Variants in MDGA2 observed in about 807,000 individuals in gnomAD.
MDGA2 encodes the protein MAM domain containing glycosylphosphatidylinositol anchor 2.
A neutral mutation model predicts 117.8 loss-of-function variants in MDGA2; 40 were observed. That is an observed-to-expected ratio of 0.34 (90% CI 0.26 to 0.44). MDGA2 has a LOEUF of 0.44. Among genes scored for constraint, MDGA2 ranks in the 20% least tolerant of loss-of-function variants. The pLI is 1.00. For synonymous variants in MDGA2, 452 were observed against 439.0 expected (o/e 1.03, Z -0.37); for missense variants, 1,123 against 1,250.6 (o/e 0.90, Z 1.54).
intron 8 of MDGA2, among the ~76,000 whole-genome samples, chr14:46,978,648 ATTG>A (rs1341045619): frequency 1.3e-5 from 2 of 152,084 alleles, no homozygotes; most frequent in African/African-American, 4.8e-5. Context: ...TTTGGAGATT[ATTG>A]TTGTTAACAG....
In MDGA2 at chr14:47,127,558, T is replaced by C. The variant is rs1238654639; in HGVS notation, c.925+4156A>G. Among the ~76,000 whole-genome samples the C allele has an allele frequency of 4.6e-5, 7 of 152,144 alleles. No homozygotes were observed. In the East Asian group the frequency reaches 1.3e-3, roughly 29 times the overall value. On this transcript the variant is annotated intron_variant, in intron 5 of 16. Transcript: ENST00000399232. ...AGAGTTGAATAGGTACTAGTTTATA[T>C]TTTTAAACTCAATTACTTACCATAA... is the stretch of plus-strand genomic sequence containing the variant.
At chr14:47,353,824 T>C (rs1444114786) in intron 1 of MDGA2, among the ~76,000 whole-genome samples, 1 of 152,112 alleles carries the variant, frequency 6.6e-6, no homozygotes, top group East Asian at 1.9e-4. Flanking sequence ...ATTACCATGA[T>C]ACCAAAGCCA....
chr14:47,434,311 A>C (rs1892855765), intron 1 of MDGA2, among the ~76,000 whole-genome samples: 1 of 152,122 alleles, frequency 6.6e-6, no homozygotes, highest in Non-Finnish European at 1.5e-5. Context: ...TTTGTTACTT[A>C]TAGGTGTTTT....
intron 1 of MDGA2, among the ~76,000 whole-genome samples, chr14:47,613,077 G>A (rs775206691): frequency 6.6e-6 from 1 of 152,116 alleles, no homozygotes; most frequent in Non-Finnish European, 1.5e-5. Flanking sequence ...CCAAACACCA[G>A]CCATTGTGAT....
chr14:47,538,333 A>G (rs1477050285), intron 1 of MDGA2, among the ~76,000 whole-genome samples: 1 of 152,196 alleles, frequency 6.6e-6, no homozygotes, highest in Non-Finnish European at 1.5e-5. Flanking sequence ...AATTAGGAGA[A>G]TCTGGTCAGT....
At chr14:47,447,714 G>A (rs1893153467) in intron 1 of MDGA2, among the ~76,000 whole-genome samples, 1 of 152,106 alleles carries the variant, frequency 6.6e-6, no homozygotes, top group African/African-American at 2.4e-5. Flanking sequence ...CATGGGAAAT[G>A]TAGACTTTTG....
intron 1 of MDGA2, among the ~76,000 whole-genome samples, chr14:47,668,843 A>G (rs1007996669): frequency 1.3e-5 from 2 of 152,254 alleles, no homozygotes; most frequent in African/African-American, 4.8e-5. Flanking sequence ...ACCAAAGAGC[A>G]TAAGCTCTCG....
chr14:46,970,731 G>C (rs985091326), intron 8 of MDGA2, among the ~76,000 whole-genome samples: 2 of 151,762 alleles, frequency 1.3e-5, no homozygotes, highest in Non-Finnish European at 3.0e-5. Flanking sequence ...TGCACAGCAA[G>C]GGAAACAACA....
Position 47,560,192 on chromosome 14 carries a change from C to T in MDGA2, c.280+114325G>A, listed in dbSNP as rs142685093. 8.4e-3 allele frequency among the ~76,000 whole-genome samples: 1,283 copies of T among 151,912 alleles called. 17 individuals are homozygous for T. Among genetic ancestry groups the T allele is most frequent in the African/African-American group, 0.029 (1,198 of 41,436 alleles). ...ACGCCATTCTCCTGCGTCAGCCTTCCGAGTAGCTGGGACTACAGGCGCCCG... is the reference window on the plus strand; with the variant it reads ...ACGCCATTCTCCTGCGTCAGCCTTCTGAGTAGCTGGGACTACAGGCGCCCG... On this transcript the variant is annotated intron_variant, in intron 1 of 16. Transcript: ENST00000399232.
intron 1 of MDGA2, among the ~76,000 whole-genome samples, chr14:47,469,086 A>G (rs1385558636): frequency 1.3e-5 from 2 of 152,138 alleles, no homozygotes; most frequent in Non-Finnish European, 1.5e-5. Context: ...ATATTCAAAA[A>G]CTGCTAAGTC....
chr14:47,613,456 T>G (rs1896888639), intron 1 of MDGA2, among the ~76,000 whole-genome samples: 1 of 134,226 alleles, frequency 7.5e-6, no homozygotes, highest in Non-Finnish European at 1.6e-5. Context: ...TTTACTTCAT[T>G]TATCTCTCTC....
At chr14:47,506,852 T>G (rs1894523519) in intron 1 of MDGA2, among the ~76,000 whole-genome samples, 1 of 152,056 alleles carries the variant, frequency 6.6e-6, no homozygotes, top group African/African-American at 2.4e-5. Flanking sequence ...CCCTGGATGG[T>G]TTCCTGCAGC....
At chr14:47,434,663 T>C (rs1286805530) in intron 1 of MDGA2, among the ~76,000 whole-genome samples, 1 of 152,126 alleles carries the variant, frequency 6.6e-6, no homozygotes, top group Non-Finnish European at 1.5e-5. Context: ...CAAAGATATA[T>C]GGGAAGTGGT....
chr14:47,613,088 C>T (rs1896882424), intron 1 of MDGA2, among the ~76,000 whole-genome samples: 1 of 152,150 alleles, frequency 6.6e-6, no homozygotes, highest in Admixed American at 6.5e-5. Flanking sequence ...CCATTGTGAT[C>T]ATTGTTATAG....
At chr14:47,520,550 A>C (rs1310218201) in intron 1 of MDGA2, among the ~76,000 whole-genome samples, 1 of 152,216 alleles carries the variant, frequency 6.6e-6, no homozygotes, top group Non-Finnish European at 1.5e-5. Context: ...CTGAGAAATT[A>C]TATTAGTCAT....
intron 3 of MDGA2, among the ~76,000 whole-genome samples, chr14:47,148,386 C>T (rs1883029669): frequency 6.6e-6 from 1 of 152,136 alleles, no homozygotes; most frequent in Non-Finnish European, 1.5e-5. Flanking sequence ...TAATAATGGT[C>T]ATTGATTTAG....
chr14:47,651,442 A>C (rs186664637), intron 1 of MDGA2, among the ~76,000 whole-genome samples: 337 of 152,280 alleles, frequency 2.2e-3, no homozygotes, highest in African/African-American at 7.7e-3. Flanking sequence ...GGGAGAAGCA[A>C]TTCAAGATGA....
chr14:46,939,508 G>C lies in MDGA2; in HGVS notation c.2089+17866C>G, dbSNP rs767848740. Among the ~76,000 whole-genome samples the C allele has an allele frequency of 5.1e-4, 78 of 152,202 alleles. 1 individual carries two copies. Among genetic ancestry groups the C allele is most frequent in the Admixed American group, 8.5e-4 (13 of 15,274 alleles). The stretch of plus-strand genomic sequence containing the variant: ...GTTCTACCACAGAACACTGTTCATA[G>C]AAAATACTAAAAATAGCAGTTTCTA... On this transcript the variant is annotated intron_variant, in intron 9 of 16. Coordinates refer to ENST00000399232, the MANE Select transcript of MDGA2 (RefSeq NM_001113498.3).
intron 10 of MDGA2, among the ~76,000 whole-genome samples, chr14:46,915,121 G>C (rs1213109167): frequency 1.3e-5 from 2 of 152,046 alleles, no homozygotes; most frequent in Non-Finnish European, 2.9e-5. Context: ...TAGTTTGGCA[G>C]ATGAAAAAGG....
Sources: gnomAD v4.1 joint callset for allele counts (sites outside exome capture counted in the v4.1 genomes callset) on GRCh38, gnomAD v4.1.1 for gene constraint, MANE v1.5 for transcripts, NCBI Gene and HGNC (gene_info 2026-07-23, HGNC 2026-07-21) for gene names.